Variants in SMUG1 observed in about 807,000 individuals in gnomAD.
The protein encoded by SMUG1 is single-strand selective monofunctional uracil DNA glycosylase.
A neutral mutation model predicts 23.9 loss-of-function variants in SMUG1; 13 were observed. That is an observed-to-expected ratio of 0.54 (90% CI 0.35 to 0.86). The LOEUF (loss-of-function observed/expected upper bound fraction) is 0.86. Ranked by LOEUF, SMUG1 falls within the 40% of genes least tolerant of loss-of-function variation. SMUG1 has a pLI of 0.01. For missense variants in SMUG1, 313 were observed against 339.5 expected (o/e 0.92, Z 0.61); for synonymous variants, 133 against 139.8 (o/e 0.95, Z 0.34).
chr12:54,187,990 G>A (rs986751265), intron 1 of SMUG1, 88 bp from the exon 2 acceptor site: 3 of 152,044 alleles, frequency 2.0e-5, no homozygotes, highest in Non-Finnish European at 4.4e-5. Context: ...GAACCCAAAG[G>A]AGGAACTTGT....
intron 2 of SMUG1, among the ~76,000 whole-genome samples, chr12:54,174,064 C>T (rs1200157706): frequency 6.6e-6 from 1 of 152,180 alleles, no homozygotes; most frequent in African/African-American, 2.4e-5. Flanking sequence ...GAACACACTA[C>T]CCTACCCCTT....
intron 3 of SMUG1, among the ~76,000 whole-genome samples, chr12:54,169,398 G>A (rs191126297): frequency 7.0e-4 from 107 of 152,188 alleles, no homozygotes; most frequent in South Asian, 1.9e-3. Context: ...GCATATGAAT[G>A]AGGGATGGGG....
In SMUG1 at chr12:54,186,348, T is replaced by G. The variant is rs1242365937; in HGVS notation, c.-20+1471A>C. On this transcript the variant is annotated intron_variant, in intron 2 of 3. Coordinates refer to ENST00000682136, the MANE Select transcript of SMUG1 (RefSeq NM_001243787.2). ...TCTGTGTTTTTTGTTTTGTTTTGTT[T>G]TGTTTTTTTTTTGAGACAGAATCTT... 4.1e-5 allele frequency among the ~76,000 whole-genome samples: 4 copies of G among 97,134 alleles called. No individual in the cohort carries two copies. The East Asian group carries it at 9.2e-4, about 22-fold the overall frequency. The allele number at this position is 97,134 out of a possible 152,430, so 63.7% of individuals were successfully genotyped here.
intron 3 of SMUG1, among the ~76,000 whole-genome samples, chr12:54,167,172 AATG>A (rs1418573196): frequency 6.6e-5 from 10 of 152,164 alleles, no homozygotes; most frequent in Admixed American, 6.5e-4. Context: ...ATGGACCAGT[AATG>A]ATGTTACTAG....
At chr12:54,185,639 C>T (rs970882254) in intron 2 of SMUG1, among the ~76,000 whole-genome samples, 11 of 151,598 alleles carry the variant, frequency 7.3e-5, no homozygotes, top group South Asian at 4.2e-4. Flanking sequence ...GGTGAAACCC[C>T]GTCTCAACTA....
Position 54,182,505 on chromosome 12 carries a change from TCTGA to T in SMUG1, c.400_403del (p.Ser134LysfsTer2). 1 of 1,614,050 alleles carries T rather than the reference TCTGA, an allele frequency of 6.2e-7. No homozygotes were observed. The highest frequency in any genetic ancestry group is 1.6e-4 in the Middle Eastern group (1 of 6,062). ...GCCCCAGAATCGGGCACCACTCACT[TCTGA>T]CTGTGGGCACTCCAGTCCCAGCACT... On this transcript the variant is annotated frameshift_variant, in exon 4 of 4. Coordinates refer to ENST00000682136, the MANE Select transcript of SMUG1 (RefSeq NM_001243787.2). LOFTEE classifies it high-confidence loss of function.
chr12:54,167,982 G>C (rs1417219847), intron 3 of SMUG1, among the ~76,000 whole-genome samples: 1 of 152,228 alleles, frequency 6.6e-6, no homozygotes, highest in Non-Finnish European at 1.5e-5. Flanking sequence ...CTCCAAACCT[G>C]TTCTCTGCCA....
chr12:54,170,572 T>G (rs576840021), intron 3 of SMUG1, among the ~76,000 whole-genome samples: 48 of 152,282 alleles, frequency 3.2e-4, no homozygotes, highest in Middle Eastern at 3.4e-3. Flanking sequence ...CTCAGCATTT[T>G]TTTTTTGTAC....
In SMUG1 at chr12:54,182,610, T is replaced by A; in HGVS notation, c.299A>T (p.Glu100Val). The A allele has an allele frequency of 6.2e-7, 1 of 1,608,074 alleles. No individual in the cohort carries two copies. The change falls in exon 4 of 4, where the codon GAA becomes GTA. Residue 100 changes from glutamate to valine, a missense_variant. Coordinates refer to ENST00000682136, the MANE Select transcript of SMUG1 (RefSeq NM_001243787.2). The part of the protein sequence containing the change: ...GMAQTGVPFG[E>V]VSMVRDWLGI... ...CAACCAGTCCCGGACCATGCTTACT[T>A]CCCCAAAGGGCACCTGTGAGGAAGG...
rs1433728739 is a variant in SMUG1, at chr12:54,181,734, G to A, written c.*362C>T. 4.6e-6 allele frequency: 7 copies of A among 1,515,106 alleles called. No individual in the cohort carries two copies. Among genetic ancestry groups the A allele is most frequent in the South Asian group, 1.2e-5 (1 of 80,084 alleles). The allele number at this position is 1,515,106 out of a possible 1,614,324, so 93.9% of individuals were successfully genotyped here. On this transcript the variant is annotated 3_prime_UTR_variant, in exon 4 of 4. Transcript: ENST00000682136. ...AGATATTTCCTCTGAAATAGTAAAC[G>A]TGACCTTAGAAGTTACTGTCTAGGG... is the stretch of plus-strand genomic sequence containing the variant.
At chr12:54,175,930 G>A (rs888876482), downstream of SMUG1, among the ~76,000 whole-genome samples, 1 of 152,168 alleles carries the variant, frequency 6.6e-6, no homozygotes, top group Non-Finnish European at 1.5e-5. Flanking sequence ...AAAAAAGACA[G>A]AGATAAAAGG....
At chr12:54,170,198 TAA>T (rs34662291) in intron 3 of SMUG1, among the ~76,000 whole-genome samples, 49 of 135,554 alleles carry the variant, frequency 3.6e-4, no homozygotes, top group Middle Eastern at 3.8e-3. Context: ...AACTCTGTCT[TAA>T]AAAAAAAAAA....
At chr12:54,174,720 C>T (rs112846604) in intron 2 of SMUG1, among the ~76,000 whole-genome samples, 1 of 152,230 alleles carries the variant, frequency 6.6e-6, no homozygotes, top group Non-Finnish European at 1.5e-5. Context: ...GTTCTGGGCT[C>T]TCAGCCATCC....
At chr12:54,182,894 A>C (rs542125261) in intron 3 of SMUG1, 182 of 489,412 alleles carry the variant, frequency 3.7e-4, no homozygotes, top group Non-Finnish European at 4.3e-4. Flanking sequence ...CTACATTGAG[A>C]TATCTAGCCC....
intron 2 of SMUG1, among the ~76,000 whole-genome samples, chr12:54,185,978 T>C (rs1438670102): frequency 6.6e-6 from 1 of 152,100 alleles, no homozygotes; most frequent in African/African-American, 2.4e-5. Context: ...GCAAAGGCCA[T>C]TGCTTCACTC....
intron 3 of SMUG1, among the ~76,000 whole-genome samples, chr12:54,166,587 T>C (rs1940472034): frequency 6.6e-6 from 1 of 152,184 alleles, no homozygotes; most frequent in African/African-American, 2.4e-5. Context: ...CGTGTGATGC[T>C]GTGAGGGCTG....
intron 4 of SMUG1, among the ~76,000 whole-genome samples, chr12:54,159,347 G>A (rs150542093): frequency 6.6e-5 from 10 of 152,294 alleles, no homozygotes; most frequent in Non-Finnish European, 4.4e-5. Flanking sequence ...TGGCTCGGCC[G>A]GACCAACAGG....
At chr12:54,158,972 C>G (rs1331379560) in intron 4 of SMUG1, among the ~76,000 whole-genome samples, 1 of 152,184 alleles carries the variant, frequency 6.6e-6, no homozygotes, top group Non-Finnish European at 1.5e-5. Flanking sequence ...AAAGGTCATT[C>G]ATTTAATATC....
At chr12:54,176,436 A>T (rs1940751021), downstream of SMUG1, among the ~76,000 whole-genome samples, 1 of 148,120 alleles carries the variant, frequency 6.8e-6, no homozygotes, top group Admixed American at 6.7e-5. Context: ...ACCTGAGCCC[A>T]GGAAGTCAAG....
Sources: allele counts gnomAD v4.1 joint callset (sites outside exome capture counted in the v4.1 genomes callset), GRCh38; gene constraint gnomAD v4.1.1; transcripts MANE v1.5; gene names NCBI Gene and HGNC (gene_info 2026-07-23, HGNC 2026-07-21).